Variants in ARHGAP44 observed in about 807,000 individuals in gnomAD.
The protein encoded by ARHGAP44 is Rho GTPase activating protein 44.
ARHGAP44 carries 43 observed loss-of-function variants against 106.8 expected under a neutral mutation model. The ratio of observed to expected loss-of-function variants is 0.40; its 90% CI spans 0.32 to 0.52. The LOEUF (loss-of-function observed/expected upper bound fraction) is 0.52. Among genes scored for constraint, ARHGAP44 ranks in the 20% least tolerant of loss-of-function variants. ARHGAP44 has a pLI of 0.48. For missense variants in ARHGAP44, 866 were observed against 1,050.5 expected (o/e 0.82, Z 2.43); for synonymous variants, 439 against 410.3 (o/e 1.07, Z -0.85).
At chr17:12,823,470 C>T (rs1037798701) in intron 1 of ARHGAP44, among the ~76,000 whole-genome samples, 4 of 152,248 alleles carry the variant, frequency 2.6e-5, no homozygotes, top group South Asian at 2.1e-4. Flanking sequence ...ATGGATGGAA[C>T]GATCTTAACT....
chr17:12,826,520 G>A (rs992730440), intron 1 of ARHGAP44, among the ~76,000 whole-genome samples: 1 of 152,118 alleles, frequency 6.6e-6, no homozygotes, highest in Non-Finnish European at 1.5e-5. Context: ...TTTATTTAAG[G>A]AGATAATTGC....
At chr17:12,884,137 G>T (rs1191849076) in intron 1 of ARHGAP44, among the ~76,000 whole-genome samples, 1 of 151,880 alleles carries the variant, frequency 6.6e-6, no homozygotes, top group Non-Finnish European at 1.5e-5. Flanking sequence ...CTCCCTGATT[G>T]TTTGTGTTTT....
chr17:12,904,544 G>A (rs2037490826), intron 3 of ARHGAP44, among the ~76,000 whole-genome samples: 2 of 152,176 alleles, frequency 1.3e-5, no homozygotes, highest in African/African-American at 2.4e-5. Flanking sequence ...CATTGGTAGG[G>A]TACTTGAGTA....
chr17:12,815,565 T>C (rs1196942027), intron 1 of ARHGAP44, among the ~76,000 whole-genome samples: 1 of 152,126 alleles, frequency 6.6e-6, no homozygotes, highest in East Asian at 1.9e-4. Context: ...CCCCCATGAC[T>C]CCATTTTACA....
In ARHGAP44 at chr17:12,895,226, C is replaced by G. The variant is rs113234013; in HGVS notation, c.93+247C>G. Among the ~76,000 whole-genome samples the G allele has an allele frequency of 1.1e-3, 171 of 152,242 alleles. 2 individuals are homozygous for G. The highest frequency in any genetic ancestry group is 2.8e-3 in the African/African-American group (117 of 41,536). ...TGTGGTTAAAACTGCTCCAGCTGCT[C>G]CTTACGAACTGTTAGGAGAGAAGTT... On this transcript the variant is annotated intron_variant, in intron 2 of 20. Coordinates refer to ENST00000379672, the MANE Select transcript of ARHGAP44 (RefSeq NM_014859.6).
intron 1 of ARHGAP44, among the ~76,000 whole-genome samples, chr17:12,891,151 A>C (rs2037033291): frequency 6.6e-6 from 1 of 152,102 alleles, no homozygotes; most frequent in Non-Finnish European, 1.5e-5. Context: ...AATCACCTTT[A>C]ACTCTTTGTT....
intron 1 of ARHGAP44, among the ~76,000 whole-genome samples, chr17:12,842,865 A>G (rs2035456112): frequency 6.6e-6 from 1 of 152,196 alleles, no homozygotes; most frequent in African/African-American, 2.4e-5. Flanking sequence ...GAAATAGCCC[A>G]TTTAACACTC....
At chr17:12,896,263 AAAACAAAC>A (rs560070808) in intron 2 of ARHGAP44, 136 bp from the exon 3 acceptor site, 1 of 653,754 alleles carries the variant, frequency 1.5e-6, no homozygotes, top group South Asian at 2.0e-5. Flanking sequence ...TATAATTTAA[AAAACAAAC>A]AAACAAAAAA....
At position 12,974,436 on chromosome 17, in the gene ARHGAP44, A is replaced by G. The variant is rs574518456; in HGVS notation, c.1763+126A>G. On this transcript the variant is annotated intron_variant, in intron 18 of 20. Coordinates refer to ENST00000379672, the MANE Select transcript of ARHGAP44 (RefSeq NM_014859.6). The stretch of plus-strand genomic sequence containing the variant: ...CCCCCGCCCCCATTTCTAAGCATTC[A>G]TATTTGGCTTCTGCGTCGCGCTGGC... 7.4e-4 allele frequency: 637 copies of G among 859,768 alleles called. 1 individual carries two copies. Among genetic ancestry groups the G allele is most frequent in the Admixed American group, 5.7e-3 (134 of 23,556 alleles). The allele number at this position is 859,768 out of a possible 1,614,324, so 53.3% of individuals were successfully genotyped here.
intron 4 of ARHGAP44, among the ~76,000 whole-genome samples, chr17:12,914,196 G>C (rs554570818): frequency 1.3e-5 from 2 of 152,146 alleles, no homozygotes; most frequent in Non-Finnish European, 2.9e-5. Context: ...CTTACTAGCA[G>C]TCAAGGAATG....
chr17:12,973,298 G>A lies in ARHGAP44; in HGVS notation c.1524-4G>A. 1.9e-6 allele frequency: 3 copies of A among 1,608,096 alleles called. No individual in the cohort carries two copies. The highest frequency in any genetic ancestry group is 2.5e-6 in the Non-Finnish European group (3 of 1,177,116). ...CTAATATCTGTATGTTTCTGTCCCT[G>A]CAGCCTTAGGAAAATCCAAAGGTAT... On this transcript the variant is annotated splice_region_variant and splice_polypyrimidine_tract_variant and intron_variant, in intron 16 of 20. Transcript: ENST00000379672.
intron 1 of ARHGAP44, among the ~76,000 whole-genome samples, chr17:12,820,286 G>A (rs1567630869): frequency 6.6e-6 from 1 of 151,896 alleles, no homozygotes; most frequent in African/African-American, 2.4e-5. Context: ...TATTCATGGG[G>A]TACGTTGTGA....
At chr17:12,951,320 A>G (rs1393453689) in intron 12 of ARHGAP44, among the ~76,000 whole-genome samples, 1 of 152,184 alleles carries the variant, frequency 6.6e-6, no homozygotes, top group Non-Finnish European at 1.5e-5. Flanking sequence ...CAGGTATGTA[A>G]CTACAGGTTA....
intron 20 of ARHGAP44, among the ~76,000 whole-genome samples, chr17:12,989,103 A>G (rs1352978639): frequency 5.8e-5 from 6 of 104,192 alleles, no homozygotes; most frequent in Non-Finnish European, 1.1e-4. Flanking sequence ...ACCCCCCCCA[A>G]AAAAAAAAAA....
chr17:12,835,506 C>A (rs2035211475), intron 1 of ARHGAP44, among the ~76,000 whole-genome samples: 1 of 152,084 alleles, frequency 6.6e-6, no homozygotes, highest in African/African-American at 2.4e-5. Flanking sequence ...CAGTAATCTT[C>A]TGACTTAAAA....
intron 1 of ARHGAP44, among the ~76,000 whole-genome samples, chr17:12,834,600 G>C (rs1306995073): frequency 1.3e-5 from 2 of 152,188 alleles, no homozygotes; most frequent in Non-Finnish European, 2.9e-5. Flanking sequence ...TCCACACTGT[G>C]TTGGCAGTGG....
intron 1 of ARHGAP44, among the ~76,000 whole-genome samples, chr17:12,829,279 A>T (rs943249533): frequency 6.6e-6 from 1 of 151,812 alleles, no homozygotes; most frequent in Non-Finnish European, 1.5e-5. Context: ...TTGCTGTTCT[A>T]CTTGATGTAA....
At chr17:12,986,860 T>C (rs1473019188) in intron 20 of ARHGAP44, 1 of 428,446 alleles carries the variant, frequency 2.3e-6, no homozygotes, top group Non-Finnish European at 4.2e-6. Flanking sequence ...TAAGAACTCC[T>C]GACCTTCAGG....
chr17:12,864,846 A>G (rs964027033), intron 1 of ARHGAP44, among the ~76,000 whole-genome samples: 4 of 152,322 alleles, frequency 2.6e-5, no homozygotes, highest in African/African-American at 7.2e-5. Context: ...CAGATGTGCT[A>G]AAAGAAGATC....
Sources: allele counts gnomAD v4.1 joint callset (sites outside exome capture counted in the v4.1 genomes callset), GRCh38; gene constraint gnomAD v4.1.1; transcripts MANE v1.5; gene names NCBI Gene and HGNC (gene_info 2026-07-23, HGNC 2026-07-21).